LRMDA: variants seen among roughly 807,000 people sequenced by gnomAD.
The protein encoded by LRMDA is leucine rich melanocyte differentiation associated, also known as leucine-rich melanocyte differentiation-associated protein.
A neutral mutation model predicts 29.8 loss-of-function variants in LRMDA; 18 were observed. The observed-to-expected ratio is 0.60, with a 90% CI of 0.42 to 0.90. The LOEUF is 0.90. Ranked by LOEUF, LRMDA falls within the 40% of genes least tolerant of loss-of-function variation. LRMDA has a pLI of 0.00. For synonymous variants in LRMDA, 125 were observed against 109.4 expected, an observed-to-expected ratio of 1.14 and a Z score of -0.89; for missense variants, 273 against 273.9, an observed-to-expected ratio of 1.00 and a Z score of 0.02.
intron 2 of LRMDA, among the ~76,000 whole-genome samples, chr10:75,721,982 T>G (rs549115156): frequency 2.0e-5 from 3 of 152,308 alleles, no homozygotes; most frequent in South Asian, 4.2e-4. Flanking sequence ...AACTTTAATT[T>G]TTTGACACTT....
intron 2 of LRMDA, among the ~76,000 whole-genome samples, chr10:76,005,821 T>C (rs1847642176): frequency 6.6e-6 from 1 of 151,510 alleles, no homozygotes; most frequent in Non-Finnish European, 1.5e-5. Context: ...TCCCAGCTAC[T>C]TGGGAGACTG....
intron 2 of LRMDA, among the ~76,000 whole-genome samples, chr10:75,910,263 T>C (rs1444859574): frequency 1.3e-5 from 2 of 152,216 alleles, no homozygotes; most frequent in Admixed American, 1.3e-4. Flanking sequence ...GTGGCTCTTT[T>C]AGATGAGTTG....
intron 6 of LRMDA, among the ~76,000 whole-genome samples, chr10:76,516,631 T>C (rs574753450): frequency 6.6e-6 from 1 of 152,276 alleles, no homozygotes; most frequent in East Asian, 1.9e-4. Context: ...CTGAGAATGA[T>C]GGTTTCCAGT....
At chr10:76,088,843 CTTTA>C (rs1344583019) in intron 5 of LRMDA, among the ~76,000 whole-genome samples, 1 of 151,892 alleles carries the variant, frequency 6.6e-6, no homozygotes, top group African/African-American at 2.4e-5. Flanking sequence ...ATTGTTTTTT[CTTTA>C]TTTATCTTCT....
intron 6 of LRMDA, among the ~76,000 whole-genome samples, chr10:76,439,049 C>T (rs543665197): frequency 1.1e-4 from 17 of 152,144 alleles, no homozygotes; most frequent in Non-Finnish European, 2.2e-4. Flanking sequence ...AGTAGTTGAA[C>T]TCAGTATTTG....
At chr10:76,520,680 T>G (rs1161541607) in intron 6 of LRMDA, among the ~76,000 whole-genome samples, 1 of 152,170 alleles carries the variant, frequency 6.6e-6, no homozygotes, top group African/African-American at 2.4e-5. Context: ...TATCTGACAT[T>G]ATTTCTCTAA....
rs776435709 is a variant in LRMDA, at chr10:76,330,166, C to T, written c.601+5681C>T. ...TCGGAGGTGCAGGGGCAGAATGATG[C>T]GATACTTTTCCTCATCTATTATAAG... On this transcript the variant is annotated intron_variant, in intron 6 of 6. Coordinates refer to ENST00000611255, the MANE Select transcript of LRMDA (RefSeq NM_001305581.2). Among the ~76,000 whole-genome samples, 5 of 152,186 alleles carry T rather than the reference C, an allele frequency of 3.3e-5. No individual in the cohort carries two copies. The South Asian group carries it at 8.3e-4, about 25-fold the overall frequency.
intron 6 of LRMDA, among the ~76,000 whole-genome samples, chr10:76,472,759 G>A (rs748703899): frequency 3.3e-5 from 5 of 151,496 alleles, no homozygotes; most frequent in Non-Finnish European, 5.9e-5. Context: ...TCAATTAAAT[G>A]CCAATGAATT....
chr10:75,559,650 G>A (rs938910997), intron 2 of LRMDA, among the ~76,000 whole-genome samples: 2 of 149,698 alleles, frequency 1.3e-5, no homozygotes, highest in Admixed American at 6.8e-5. Context: ...TTCTTCTAGG[G>A]TTTTTATGGT....
chr10:76,418,865 G>C (rs1194185969), intron 6 of LRMDA, among the ~76,000 whole-genome samples: 1 of 151,946 alleles, frequency 6.6e-6, no homozygotes, highest in Non-Finnish European at 1.5e-5. Flanking sequence ...GTGATCATTT[G>C]CTTTTCTCCT....
chr10:75,946,140 G>T (rs1024261530), intron 2 of LRMDA, among the ~76,000 whole-genome samples: 3 of 152,294 alleles, frequency 2.0e-5, no homozygotes, highest in Non-Finnish European at 2.9e-5. Flanking sequence ...GGCCATTACT[G>T]GACTGCTTTT....
chr10:75,577,238 A>G (rs1188904404), intron 2 of LRMDA, among the ~76,000 whole-genome samples: 1 of 152,232 alleles, frequency 6.6e-6, no homozygotes, highest in Non-Finnish European at 1.5e-5. Context: ...AACTTCGTGA[A>G]GCATACACAA....
intron 2 of LRMDA, among the ~76,000 whole-genome samples, chr10:75,923,184 C>T (rs554438022): frequency 9.2e-5 from 14 of 152,220 alleles, no homozygotes; most frequent in South Asian, 8.3e-4. Context: ...TTTGTCATTG[C>T]GGCTTATTTA....
chr10:75,794,165 T>C (rs550945876), intron 2 of LRMDA, among the ~76,000 whole-genome samples: 9 of 152,370 alleles, frequency 5.9e-5, no homozygotes, highest in African/African-American at 1.9e-4. Context: ...AGCTTTTCTT[T>C]TTAAATACAG....
chr10:76,045,003 CCT>C (rs146061097), intron 3 of LRMDA, among the ~76,000 whole-genome samples: 1,841 of 150,494 alleles, frequency 0.012, 33 homozygotes, highest in East Asian at 0.077. Flanking sequence ...TAGTTTTTCC[CCT>C]CTCTTGCTAG....
rs184640172 is a variant in LRMDA, at chr10:76,477,161, C to G, written c.602-80048C>G. On this transcript the variant is annotated intron_variant, in intron 6 of 6. Transcript: ENST00000611255. ...GTATATCTAGAAAACCCCATCGTCT[C>G]AGCCCAAAATCTCCTTAAGCTGATA... Among the ~76,000 whole-genome samples, 1,432 of 152,176 alleles carry G rather than the reference C, an allele frequency of 9.4e-3. 19 individuals carry two copies. Among genetic ancestry groups the G allele is most frequent in the African/African-American group, 0.033 (1,376 of 41,504 alleles).
chr10:76,299,188 T>TGC (rs1554863823), intron 5 of LRMDA, among the ~76,000 whole-genome samples: 9 of 147,696 alleles, frequency 6.1e-5, no homozygotes, highest in East Asian at 2.0e-4. Flanking sequence ...TGTGTGTGTG[T>TGC]GCATGCACGC....
intron 2 of LRMDA, among the ~76,000 whole-genome samples, chr10:75,619,049 G>A (rs564185369): frequency 2.6e-5 from 4 of 152,026 alleles, no homozygotes; most frequent in East Asian, 1.9e-4. Context: ...TGCCCACCTC[G>A]GCCTCCCAAA....
intron 6 of LRMDA, among the ~76,000 whole-genome samples, chr10:76,383,782 G>A (rs993133591): frequency 1.0e-3 from 159 of 152,212 alleles, no homozygotes; most frequent in African/African-American, 3.3e-3. Context: ...AGGCCCTGCC[G>A]TACAATCTTT....
Sources: allele counts gnomAD v4.1 joint callset (sites outside exome capture counted in the v4.1 genomes callset), GRCh38; gene constraint gnomAD v4.1.1; transcripts MANE v1.5; gene names NCBI Gene and HGNC (gene_info 2026-07-23, HGNC 2026-07-21).